Variants in UBR1 observed in about 807,000 individuals in gnomAD.
UBR1 encodes the protein ubiquitin protein ligase E3 component n-recognin 1.
A neutral mutation model predicts 242.1 loss-of-function variants in UBR1; 102 were observed. The ratio of observed to expected loss-of-function variants is 0.42; its 90% CI spans 0.36 to 0.50. The LOEUF (loss-of-function observed/expected upper bound fraction) is 0.50, where lower values mean the gene tolerates loss of function less well. UBR1 is among the 20% of genes least tolerant of loss of function. The probability of loss-of-function intolerance (pLI) is 0.01; values close to 1 mark genes in which losing one functional copy is unlikely to be tolerated. For missense variants in UBR1, 1,772 were observed against 2,101.8 expected, an observed-to-expected ratio of 0.84 and a Z score of 3.07; for synonymous variants, 675 against 684.8, an observed-to-expected ratio of 0.99 and a Z score of 0.22.
chr15:43,022,889 G>C (rs754839774), intron 25 of UBR1, 88 bp from the exon 26 acceptor site: 1 of 770,220 alleles, frequency 1.3e-6, no homozygotes, highest in Admixed American at 2.4e-5. Context: ...TCAGAGACTG[G>C]TCTCACTCTG....
At chr15:43,014,235 C>T (rs1412048287) in intron 29 of UBR1, among the ~76,000 whole-genome samples, 1 of 152,232 alleles carries the variant, frequency 6.6e-6, no homozygotes. Flanking sequence ...CTTGCTACAA[C>T]CTCCACCTCC....
At chr15:42,982,910 A>T (rs2032399165) in intron 37 of UBR1, among the ~76,000 whole-genome samples, 1 of 152,186 alleles carries the variant, frequency 6.6e-6, no homozygotes. Context: ...ACTCTCTTAA[A>T]GCCTGGTCTG....
intron 6 of UBR1, among the ~76,000 whole-genome samples, chr15:43,064,156 A>G (rs1179011445): frequency 6.6e-6 from 1 of 152,258 alleles, no homozygotes; most frequent in African/African-American, 2.4e-5. Flanking sequence ...ACTCATTTAG[A>G]GTACCACATT....
chr15:43,067,255 T>C (rs572270118), intron 6 of UBR1, among the ~76,000 whole-genome samples: 1 of 152,362 alleles, frequency 6.6e-6, no homozygotes, highest in Non-Finnish European at 1.5e-5. Flanking sequence ...GCTTTTTCAT[T>C]AATAATTTGC....
chr15:43,041,523 A>G (rs896709135), intron 15 of UBR1, among the ~76,000 whole-genome samples: 1 of 152,158 alleles, frequency 6.6e-6, no homozygotes, highest in African/African-American at 2.4e-5. Context: ...GCATACCAAC[A>G]TGGCACATGT....
chr15:43,006,899 T>C (rs1355257087), intron 30 of UBR1, among the ~76,000 whole-genome samples, 180 bp downstream of exon 30: 6 of 152,240 alleles, frequency 3.9e-5, no homozygotes, highest in Non-Finnish European at 1.5e-5. Flanking sequence ...TTGAGAACTG[T>C]TGGAGAAAAA....
Position 42,998,181 on chromosome 15 carries a change from T to G in UBR1, c.3744A>C (p.Ile1248=). 1 of 1,613,626 alleles carries G rather than the reference T, an allele frequency of 6.2e-7. No homozygotes were observed. The highest frequency in any genetic ancestry group is 8.5e-7 in the Non-Finnish European group (1 of 1,179,694). ...ATTTAAGCAAACCTTTAGCATGTCTTATATTATAACCTGATATTCTGGCCA... is the reference window on the plus strand; with the variant it reads ...ATTTAAGCAAACCTTTAGCATGTCTGATATTATAACCTGATATTCTGGCCA... ...TVLARISGYN[I]RHAKGENPIP... is the part of the protein sequence containing the mutation. Residue 1248 remains isoleucine (I), a synonymous_variant, in exon 33 of 47, where the codon ATA becomes ATC. Transcript: ENST00000290650.
intron 1 of UBR1, among the ~76,000 whole-genome samples, chr15:43,093,214 G>A (rs2034123845): frequency 6.6e-6 from 1 of 152,294 alleles, no homozygotes; most frequent in African/African-American, 2.4e-5. Context: ...TTAGATGCCT[G>A]TTTGGGAACA....
At chr15:43,048,622 G>A in intron 12 of UBR1, 131 bp from the exon 13 acceptor site, 3 of 711,030 alleles carry the variant, frequency 4.2e-6, no homozygotes, top group Non-Finnish European at 7.1e-6. Context: ...TAGAAGCTCT[G>A]AGTAGAGCTA....
At chr15:43,020,243 G>A (rs1272612526) in intron 27 of UBR1, among the ~76,000 whole-genome samples, 1 of 151,676 alleles carries the variant, frequency 6.6e-6, no homozygotes, top group Non-Finnish European at 1.5e-5. Context: ...GTTTCACCAT[G>A]TTAGCCAGAC....
Position 43,036,579 on chromosome 15 carries a change from T to G in UBR1, c.2037A>C (p.Gln679His). 6.3e-7 allele frequency: 1 copy of G among 1,590,512 alleles called. No homozygotes were observed. The highest frequency in any genetic ancestry group is 8.6e-7 in the Non-Finnish European group (1 of 1,158,940). The change falls in exon 18 of 47, where the codon CAA (glutamine) becomes CAC (histidine). Residue 679 changes from glutamine to histidine, a missense_variant. Coordinates refer to ENST00000290650, the MANE Select transcript of UBR1 (RefSeq NM_174916.3). ...LSLISQVFYY[Q>H]DVKCREEMYD... ...ACATTTCTTCTCTGCACTTAACATC[T>G]TGGTAATAAAACACCTATAAGGTAA... is the stretch of plus-strand genomic sequence containing the variant.
chr15:43,037,487 T>C (rs1038287049), intron 17 of UBR1, among the ~76,000 whole-genome samples: 2 of 152,100 alleles, frequency 1.3e-5, no homozygotes, highest in African/African-American at 4.8e-5. Context: ...CTAAGTAAGG[T>C]AATTCTCAGA....
Position 43,106,038 on chromosome 15 carries a change from C to T in UBR1, c.-16G>A, listed in dbSNP as rs2141377144. ...CGTCCGCCATCTTGAGGGAAACTGA[C>T]GCCTGCAGTTGCCGACCCCCGGCCA... On this transcript the variant is annotated 5_prime_UTR_variant, in exon 1 of 47. Transcript: ENST00000290650. 3 of 1,605,554 alleles carry T rather than the reference C, an allele frequency of 1.9e-6. No individual in the cohort carries two copies. Among genetic ancestry groups the T allele is most frequent in the Non-Finnish European group, 2.6e-6 (3 of 1,176,232 alleles).
chr15:42,952,386 A>G lies in UBR1; in HGVS notation c.4898T>C (p.Ile1633Thr), dbSNP rs746987173. ...HPVLCLFCGAILCSQNICCQE... is the reference protein window; with the variant it reads ...HPVLCLFCGATLCSQNICCQE... ...GCAGCAAATGTTCTGAGAACATAGT[A>G]TAGCCCCACAGAAAAGGCAGAGGAC... is the stretch of plus-strand genomic sequence containing the variant. The change falls in exon 45 of 47, where the codon ATA becomes ACA. Residue 1633 changes from isoleucine (I) to threonine (T), a missense_variant. By Grantham distance (89) the Ile-to-Thr change is moderately conservative (BLOSUM62 -1). Around this residue, in one of 3 missense-constraint regions of UBR1, gnomAD observed 965 missense variants for 1,079.7 expected, o/e 0.89. Coordinates refer to ENST00000290650, the MANE Select transcript of UBR1 (RefSeq NM_174916.3). 18 of 1,614,132 alleles carry G rather than the reference A, an allele frequency of 1.1e-5. No homozygotes were observed. Among genetic ancestry groups the G allele is most frequent in the Middle Eastern group, 1.6e-4 (1 of 6,084 alleles).
In UBR1 at chr15:42,976,730, A is replaced by G; in HGVS notation, c.4356T>C (p.Leu1452=). The G allele has an allele frequency of 6.2e-7, 1 of 1,614,116 alleles. No individual in the cohort carries two copies. The highest frequency in any genetic ancestry group is 8.5e-7 in the Non-Finnish European group (1 of 1,179,986). The change falls in exon 39 of 47, where the codon CTT becomes CTC. Residue 1452 remains leucine, a synonymous_variant. Coordinates refer to ENST00000290650, the MANE Select transcript of UBR1 (RefSeq NM_174916.3). ...ITMAHMLQIL[L]TVDTGLPLAQ... is the part of the protein sequence containing the mutation. ...TGAAAACCTTACCTGTGTCTACTGT[A>G]AGTAGTATCTGAAGCATGTGTGCCA... is the stretch of plus-strand genomic sequence containing the variant.
At chr15:43,090,187 C>T (rs1442575806) in intron 1 of UBR1, among the ~76,000 whole-genome samples, 2 of 152,012 alleles carry the variant, frequency 1.3e-5, no homozygotes, top group African/African-American at 4.8e-5. Context: ...TATGGAAAGG[C>T]ATTAATAACA....
intron 4 of UBR1, among the ~76,000 whole-genome samples, chr15:43,071,179 T>G (rs1284356349): frequency 6.6e-6 from 1 of 152,166 alleles, no homozygotes; most frequent in Non-Finnish European, 1.5e-5. Context: ...TATACTCTCT[T>G]ATGAATGTTC....
chr15:43,104,152 G>A (rs746789641), intron 1 of UBR1, among the ~76,000 whole-genome samples: 10 of 152,116 alleles, frequency 6.6e-5, no homozygotes, highest in Non-Finnish European at 1.5e-4. Context: ...AAAACCCAAA[G>A]CCCTGCCCAA....
At chr15:42,998,976 C>G (rs1182351330) in intron 32 of UBR1, among the ~76,000 whole-genome samples, 1 of 130,300 alleles carries the variant, frequency 7.7e-6, no homozygotes, top group Non-Finnish European at 1.6e-5. Flanking sequence ...CTCACTCTGT[C>G]GCCAGGCTGG....
Sources: gnomAD v4.1 joint callset for allele counts (sites outside exome capture counted in the v4.1 genomes callset) on GRCh38, gnomAD v4.1.1 for gene constraint, gnomAD v4.1.1 regional missense constraint, MANE v1.5 for transcripts, NCBI Gene and HGNC (gene_info 2026-07-23, HGNC 2026-07-21) for gene names.